Variants in HEATR4 observed in about 807,000 individuals in gnomAD.
HEATR4 encodes the protein HEAT repeat containing 4, also known as HEAT repeat-containing protein 4.
A neutral mutation model predicts 108.8 loss-of-function variants in HEATR4; 95 were observed. The observed-to-expected ratio is 0.87, with a 90% CI of 0.74 to 1.04. The LOEUF (loss-of-function observed/expected upper bound fraction) is 1.04. Ranked by LOEUF, HEATR4 falls within the 50% of genes least tolerant of loss-of-function variation. The pLI is 0.00. For synonymous variants in HEATR4, 443 were observed against 459.4 expected (o/e 0.96, Z 0.46); for missense variants, 1,152 against 1,253.8 (o/e 0.92, Z 1.23).
chr14:73,496,707 T>C, intron 14 of HEATR4, 28 bp from the exon 15 acceptor site: 1 of 1,217,770 alleles, frequency 8.2e-7, no homozygotes, highest in Non-Finnish European at 1.2e-6. Context: ...CTTCTTAGAT[T>C]ATTCTACCCT....
chr14:73,596,630 A>T, the HEATR4 span: 1 of 151,998 alleles, frequency 6.6e-6, no homozygotes, highest in Non-Finnish European at 1.5e-5. Flanking sequence ...AGACAGAGTC[A>T]CTCTGTTGCC....
the HEATR4 span, chr14:73,612,908 G>T: frequency 7.3e-7 from 1 of 1,363,082 alleles, no homozygotes; most frequent in South Asian, 1.4e-5. Context: ...GGACGGCCAC[G>T]ACACCGAGCC....
chr14:73,485,807 T>G (rs1415408169), intron 17 of HEATR4, among the ~76,000 whole-genome samples: 2 of 151,676 alleles, frequency 1.3e-5, no homozygotes, highest in African/African-American at 4.8e-5. Context: ...AGGTGGAGGT[T>G]GCAGTGAGCC....
At chr14:73,564,721 G>GTTTTTTTTTT in the HEATR4 span, among the ~76,000 whole-genome samples, 5 of 83,568 alleles carry the variant, frequency 6.0e-5, no homozygotes, top group Non-Finnish European at 8.7e-5. Flanking sequence ...TATCTTTTCT[G>GTTTTTTTTTT]TTTTTTGTTT....
At chr14:73,502,640 C>T (rs1381792127) in intron 11 of HEATR4, among the ~76,000 whole-genome samples, 1 of 152,102 alleles carries the variant, frequency 6.6e-6, no homozygotes, top group African/African-American at 2.4e-5. Flanking sequence ...CTCCGCCTCC[C>T]AGGTTCAAGC....
the HEATR4 span, among the ~76,000 whole-genome samples, chr14:73,605,092 C>G: frequency 6.7e-6 from 1 of 148,780 alleles, no homozygotes; most frequent in Non-Finnish European, 1.5e-5. Flanking sequence ...ATTCAGTTAA[C>G]TGAGAAGAAA....
chr14:73,583,484 T>C, the HEATR4 span, among the ~76,000 whole-genome samples: 3,151 of 152,066 alleles, frequency 0.021, 91 homozygotes, highest in South Asian at 0.097. Flanking sequence ...GGTAGTTACA[T>C]AGAGCTGAGC....
At chr14:73,621,761 C>CTTTTTTTTTTTTTTT in the HEATR4 span, among the ~76,000 whole-genome samples, 5 of 109,544 alleles carry the variant, frequency 4.6e-5, no homozygotes, top group East Asian at 2.8e-4. Context: ...TTCTTTCTTT[C>CTTTTTTTTTTTTTTT]TTTTTTTTTT....
the HEATR4 span, among the ~76,000 whole-genome samples, chr14:73,572,646 T>C: frequency 0.047 from 2,335 of 50,002 alleles, 163 homozygotes; most frequent in African/African-American, 0.15. Flanking sequence ...TGCATTTTTT[T>C]TTTTTTTTTT....
the HEATR4 span, chr14:73,631,498 C>A: frequency 1.3e-5 from 2 of 153,662 alleles, no homozygotes; most frequent in South Asian, 3.5e-4. Context: ...GGGCTGGGGT[C>A]CTGGGAGTCT....
the HEATR4 span, among the ~76,000 whole-genome samples, chr14:73,572,197 T>C: frequency 1.3e-5 from 1 of 79,394 alleles, no homozygotes; most frequent in African/African-American, 6.3e-5. Flanking sequence ...TCTGGATTAA[T>C]TTAAAAAAAG....
the HEATR4 span, among the ~76,000 whole-genome samples, chr14:73,584,576 T>A: frequency 6.8e-6 from 1 of 147,956 alleles, no homozygotes; most frequent in East Asian, 2.0e-4. Context: ...GTGTAATTGG[T>A]CTGTAACAGC....
At chr14:73,632,497 A>G in the HEATR4 span, among the ~76,000 whole-genome samples, 1 of 152,040 alleles carries the variant, frequency 6.6e-6, no homozygotes, top group African/African-American at 2.4e-5. Context: ...ATGAAAAACT[A>G]TGGTTTTATT....
chr14:73,569,016 C>T, the HEATR4 span: 2 of 575,532 alleles, frequency 3.5e-6, no homozygotes, highest in African/African-American at 1.9e-5. Flanking sequence ...TCTTTAAGAA[C>T]CAGCCCTGGT....
At chr14:73,609,736 G>A in the HEATR4 span, among the ~76,000 whole-genome samples, 1 of 152,092 alleles carries the variant, frequency 6.6e-6, no homozygotes, top group Non-Finnish European at 1.5e-5. Context: ...TGCCTCCCGG[G>A]TTCAAGCAAT....
chr14:73,631,565 C>A, the HEATR4 span: 1 of 160,860 alleles, frequency 6.2e-6, no homozygotes, highest in East Asian at 1.8e-4. Context: ...GACAGCCTCC[C>A]ACATTACCAA....
chr14:73,487,834 G>A (rs534253605), intron 17 of HEATR4, among the ~76,000 whole-genome samples: 1 of 152,260 alleles, frequency 6.6e-6, no homozygotes, highest in Admixed American at 6.5e-5. Flanking sequence ...TTTAATTAGG[G>A]TTTTGACAAA....
the HEATR4 span, among the ~76,000 whole-genome samples, chr14:73,578,056 G>A: frequency 6.6e-6 from 1 of 150,806 alleles, no homozygotes; most frequent in Non-Finnish European, 1.5e-5. Flanking sequence ...TTGCCATGTT[G>A]GTCAGACTGG....
intron 10 of HEATR4, among the ~76,000 whole-genome samples, chr14:73,505,398 T>C (rs181589589): frequency 6.6e-6 from 1 of 151,264 alleles, no homozygotes; most frequent in Non-Finnish European, 1.5e-5. Context: ...GTTTTGTTTT[T>C]TTTTGTTTTG....
Sources: gnomAD v4.1 joint callset for allele counts (sites outside exome capture counted in the v4.1 genomes callset) on GRCh38, gnomAD v4.1.1 for gene constraint, MANE v1.5 for transcripts, NCBI Gene and HGNC (gene_info 2026-07-23, HGNC 2026-07-21) for gene names.